Variants in PAQR9 observed in about 807,000 individuals in gnomAD.
PAQR9 encodes membrane progestin receptor epsilon.
PAQR9 carries 12 observed loss-of-function variants against 24.0 expected under a neutral mutation model. The observed-to-expected ratio is 0.50, with a 90% confidence interval of 0.32 to 0.81. The LOEUF (loss-of-function observed/expected upper bound fraction) is 0.81. PAQR9 is among the 30% of genes least tolerant of loss of function. The probability of loss-of-function intolerance (pLI) is 0.03; values close to 1 mark genes in which losing one functional copy is unlikely to be tolerated. For missense variants in PAQR9, 418 were observed against 520.8 expected (o/e 0.80, Z 1.92); for synonymous variants, 266 against 237.6 (o/e 1.12, Z -1.10).
In PAQR9 at chr3:142,957,673, A is replaced by G. The variant is rs1482982325; in HGVS notation, c.*4530T>C. On this transcript the variant is annotated 3_prime_UTR_variant, in exon 1 of 1. Coordinates refer to ENST00000340634, the MANE Select transcript of PAQR9 (RefSeq NM_198504.4). ...CTTCATAATAGTATGAATACTATCAATCTTCCAATAGTTATCGTTATTAGT... is the reference window on the plus strand; with the variant it reads ...CTTCATAATAGTATGAATACTATCAGTCTTCCAATAGTTATCGTTATTAGT... 6.6e-6 allele frequency among the ~76,000 whole-genome samples: 1 copy of G among 152,194 alleles called. No individual in the cohort carries two copies. The highest frequency in any genetic ancestry group is 1.5e-5 in the Non-Finnish European group (1 of 68,034).
chr3:142,953,927 T>C (rs9844683), downstream of PAQR9, among the ~76,000 whole-genome samples: 14,003 of 152,212 alleles, frequency 0.092, 932 homozygotes, highest in East Asian at 0.23. Context: ...GAAGCTAGTT[T>C]ATCTGGTGGC....
At chr3:142,950,162 A>C (rs972651288), downstream of PAQR9, 1 of 152,190 alleles carries the variant, frequency 6.6e-6, no homozygotes, top group Non-Finnish European at 1.5e-5. Context: ...CAACCTGATA[A>C]TTCCAACATC....
chr3:142,954,444 G>T (rs1463755021), downstream of PAQR9, among the ~76,000 whole-genome samples: 2 of 152,122 alleles, frequency 1.3e-5, no homozygotes, highest in African/African-American at 4.8e-5. Context: ...CTTGCCTTCT[G>T]CCTGCTGCAT....
rs1007313717 is a variant in PAQR9, at chr3:142,955,149, A to T, written c.*7054T>A. Among the ~76,000 whole-genome samples, 1 of 152,134 alleles carries T rather than the reference A, an allele frequency of 6.6e-6. No homozygotes were observed. The highest frequency in any genetic ancestry group is 1.5e-5 in the Non-Finnish European group (1 of 68,020). ...TCTTCCCTCTGCCTCTGACCTGAGG[A>T]AAAAATGAGTATGCCCCTTCAAGTA... is the stretch of plus-strand genomic sequence containing the variant. On this transcript the variant is annotated 3_prime_UTR_variant, in exon 1 of 1. Coordinates refer to ENST00000340634, the MANE Select transcript of PAQR9 (RefSeq NM_198504.4).
rs1406675636 is a variant in PAQR9 at position 142,958,457 on chromosome 3, A to G, written c.*3746T>C. 6.6e-6 allele frequency among the ~76,000 whole-genome samples: 1 copy of G among 152,216 alleles called. No homozygotes were observed. The highest frequency in any genetic ancestry group is 1.5e-5 in the Non-Finnish European group (1 of 68,032). ...CCAACTATAAAGCTTTGAAATGGAG[A>G]TAACTCCCACCATACCTGTCTCCTA... On this transcript the variant is annotated 3_prime_UTR_variant, in exon 1 of 1. Coordinates refer to ENST00000340634, the MANE Select transcript of PAQR9 (RefSeq NM_198504.4).
chr3:142,963,232 C>A lies in PAQR9; in HGVS notation c.105G>T (p.Arg35=). 1 of 1,548,944 alleles carries A rather than the reference C, an allele frequency of 6.5e-7. No homozygotes were observed. Among genetic ancestry groups the A allele is most frequent in the Non-Finnish European group, 8.7e-7 (1 of 1,147,308 alleles). Residue 35 remains arginine, a synonymous_variant, in exon 1 of 1, where the codon CGG becomes CGT. Transcript: ENST00000340634. Reference sequence around the variant, plus strand: ...GCGGCTTGGCAGACGCTGGGGGGTCCCGGGAGGCGGCAGAGTGGGAGTTCC... The same window carrying A: ...GCGGCTTGGCAGACGCTGGGGGGTCACGGGAGGCGGCAGAGTGGGAGTTCC... The part of the protein sequence containing the change: ...AARNSHSAAS[R]DPPASAKPLL...
rs1264029945 is a variant in PAQR9, at chr3:142,963,112, G to A, written c.225C>T (p.Ala75=). ...TCTCGTTGGTAGGCTTCAGCACCGA[G>A]GCTAGGCACTCCTGGGCCGTGCACG... The part of the protein sequence containing the change: ...RLPCTAQECL[A]SVLKPTNETL... Residue 75 remains alanine, a synonymous_variant, in exon 1 of 1, where the codon GCC becomes GCT. Transcript: ENST00000340634. 2 of 1,613,816 alleles carry A rather than the reference G, an allele frequency of 1.2e-6. No homozygotes were observed. Among genetic ancestry groups the A allele is most frequent in the Admixed American group, 3.3e-5 (2 of 59,978 alleles).
Position 142,963,621 on chromosome 3 carries a change from T to C in PAQR9, c.-285A>G. 2.7e-6 allele frequency: 2 copies of C among 733,376 alleles called. No homozygotes were observed. Among genetic ancestry groups the C allele is most frequent in the Non-Finnish European group, 1.7e-6 (1 of 602,084 alleles). 45.4% of individuals were successfully genotyped at this position (733,376 alleles called of 1,614,324 possible). ...GCTACCGGCGCGCGGCCGCCCGCGC[T>C]GCGGCAGCGGCGGCGGCGCGGCTGA... On this transcript the variant is annotated 5_prime_UTR_variant, in exon 1 of 1. Coordinates refer to ENST00000340634, the MANE Select transcript of PAQR9 (RefSeq NM_198504.4).
chr3:142,963,109 C>G lies in PAQR9; in HGVS notation c.228G>C (p.Ser76=), dbSNP rs1349046003. Residue 76 remains serine (S), a synonymous_variant, in exon 1 of 1, where the codon TCG becomes TCC. Transcript: ENST00000340634. ...GCGTCTCGTTGGTAGGCTTCAGCAC[C>G]GAGGCTAGGCACTCCTGGGCCGTGC... The part of the protein sequence containing the change: ...LPCTAQECLA[S]VLKPTNETLN... The G allele has an allele frequency of 1.2e-6, 2 of 1,613,746 alleles. No individual in the cohort carries two copies. The highest frequency in any genetic ancestry group is 8.5e-7 in the Non-Finnish European group (1 of 1,179,826).
rs1350104189 is a variant in PAQR9 at position 142,963,472 on chromosome 3, C to G, written c.-136G>C. Reference sequence around the variant, plus strand: ...GTCGCTGCAGGTTTAGGAGAAGACCCGTGCCTCCGAGCAGCCGCTCCTAAA... The same window carrying G: ...GTCGCTGCAGGTTTAGGAGAAGACCGGTGCCTCCGAGCAGCCGCTCCTAAA... On this transcript the variant is annotated 5_prime_UTR_variant, in exon 1 of 1. Coordinates refer to ENST00000340634, the MANE Select transcript of PAQR9 (RefSeq NM_198504.4). 9.6e-7 allele frequency: 1 copy of G among 1,039,384 alleles called. No individual in the cohort carries two copies. The highest frequency in any genetic ancestry group is 1.2e-6 in the Non-Finnish European group (1 of 867,470). 64.4% of individuals were successfully genotyped at this position (1,039,384 alleles called of 1,614,324 possible).
downstream of PAQR9, chr3:142,950,355 C>A (rs57964451): frequency 8.7e-3 from 1,488 of 170,072 alleles, 25 homozygotes; most frequent in African/African-American, 0.033. Flanking sequence ...AATTGTGATT[C>A]TCTGTGTCTA....
chr3:142,963,351 G>C lies in PAQR9; in HGVS notation c.-15C>G, dbSNP rs1029459616. 9.0e-6 allele frequency: 11 copies of C among 1,215,962 alleles called. No individual in the cohort carries two copies. Among genetic ancestry groups the C allele is most frequent in the South Asian group, 8.1e-5 (2 of 24,842 alleles). 75.3% of individuals were successfully genotyped at this position (1,215,962 alleles called of 1,614,324 possible). ...CGCCGCGGCATGGTGCCCGGGGCTCGGCTAGGGCGCGCGCAGGCGACCTCT... is the reference window on the plus strand; with the variant it reads ...CGCCGCGGCATGGTGCCCGGGGCTCCGCTAGGGCGCGCGCAGGCGACCTCT... On this transcript the variant is annotated 5_prime_UTR_variant, in exon 1 of 1. Transcript: ENST00000340634.
At position 142,963,441 on chromosome 3, in the gene PAQR9, G is replaced by A; in HGVS notation, c.-105C>T. 3 of 1,049,208 alleles carry A rather than the reference G, an allele frequency of 2.9e-6. No homozygotes were observed. The allele number at this position is 1,049,208 out of a possible 1,614,324, so 65.0% of individuals were successfully genotyped here. On this transcript the variant is annotated 5_prime_UTR_variant, in exon 1 of 1. Coordinates refer to ENST00000340634, the MANE Select transcript of PAQR9 (RefSeq NM_198504.4). ...CCGTCGGAGCCTTTGTGCCCACGCC[G>A]GGGGCGTCGCTGCAGGTTTAGGAGA...
chr3:142,962,078 T>C lies in PAQR9; in HGVS notation c.*125A>G. 7 of 1,174,372 alleles carry C rather than the reference T, an allele frequency of 6.0e-6. No individual in the cohort carries two copies. Among genetic ancestry groups the C allele is most frequent in the East Asian group, 2.3e-5 (1 of 42,786 alleles). The allele number at this position is 1,174,372 out of a possible 1,614,324, so 72.7% of individuals were successfully genotyped here. On this transcript the variant is annotated 3_prime_UTR_variant, in exon 1 of 1. Transcript: ENST00000340634. ...TTTGTAGCAGTGAACTTTTTCCCTA[T>C]GGTTTTGCAGCACCTTCCTTGAGCA... is the stretch of plus-strand genomic sequence containing the variant.
rs774283919 is a variant in PAQR9 at position 142,962,760 on chromosome 3, G to T, written c.577C>A (p.Gln193Lys). The T allele has an allele frequency of 1.1e-5, 18 of 1,612,482 alleles. 1 individual carries two copies. The highest frequency in any genetic ancestry group is 1.7e-5 in the Admixed American group (1 of 59,924). ...TCCACGTGCCAGCCCAGGCGCTGCTGCAAGTATGGAGTCATGACTCTGGCA... is the reference window on the plus strand; with the variant it reads ...TCCACGTGCCAGCCCAGGCGCTGCTTCAAGTATGGAGTCATGACTCTGGCA... ...LDARVMTPYL[Q>K]QRLGWHVDCT... is the part of the protein sequence containing the mutation. The change falls in exon 1 of 1, where the codon CAG (glutamine) becomes AAG (lysine). Residue 193 changes from glutamine (Q) to lysine (K), a missense_variant. Physicochemically the swap from Gln to Lys is moderately conservative, Grantham distance 53 (BLOSUM62 1). Coordinates refer to ENST00000340634, the MANE Select transcript of PAQR9 (RefSeq NM_198504.4).
downstream of PAQR9, chr3:142,951,678 C>G (rs893366269): frequency 6.6e-6 from 3 of 456,084 alleles, no homozygotes; most frequent in Non-Finnish European, 1.3e-5. Flanking sequence ...CTAAATTGAG[C>G]AGGAAAGCTG....
At position 142,955,442 on chromosome 3, in the gene PAQR9, TAAAAAAAAAAAA is replaced by T. The variant is rs150071656; in HGVS notation, c.*6749_*6760del. On this transcript the variant is annotated 3_prime_UTR_variant, in exon 1 of 1. Transcript: ENST00000340634. ...GAGCGACCACATGGTCTATACAAAT[TAAAAAAAAAAAA>T]AAAAAAAAAAAAAAAAAAAAAAAGC... Among the ~76,000 whole-genome samples the T allele has an allele frequency of 4.4e-3, 96 of 21,612 alleles. No homozygotes were observed. The highest frequency in any genetic ancestry group is 0.013 in the Admixed American group (13 of 994). 14.2% of individuals were successfully genotyped at this position (21,612 alleles called of 152,430 possible). A position where few individuals can be genotyped will look rare whatever the true frequency, so the allele number is the denominator to read the frequency against.
downstream of PAQR9, chr3:142,950,004 A>C (rs2108236773): frequency 6.6e-6 from 1 of 152,340 alleles, no homozygotes; most frequent in African/African-American, 2.4e-5. Context: ...AGCCCATCAA[A>C]GCATTCTTCA....
chr3:142,963,909 G>A, upstream of PAQR9: 8 of 984,988 alleles, frequency 8.1e-6, no homozygotes, highest in East Asian at 1.1e-4. Flanking sequence ...TGATGCGGGG[G>A]CCGCAGGCTG....
Sources: gnomAD v4.1 joint callset for allele counts (sites outside exome capture counted in the v4.1 genomes callset) on GRCh38, gnomAD v4.1.1 for gene constraint, MANE v1.5 for transcripts, NCBI Gene and HGNC (gene_info 2026-07-23, HGNC 2026-07-21) for gene names.